The following TCTN3 variants were observed in gnomAD, a reference collection of about 807,000 sequenced individuals.
The protein encoded by TCTN3 is tectonic-3.
Under a neutral mutation model 71.3 loss-of-function variants are expected in TCTN3, and 57 were observed. That is an observed-to-expected ratio of 0.80 (90% confidence interval 0.65 to 1.00). The LOEUF is 1.00. TCTN3 is among the 50% of genes least tolerant of loss of function. The pLI, the probability that TCTN3 is intolerant of heterozygous loss-of-function variation, is 0.00. For missense variants in TCTN3, 696 were observed against 719.9 expected, an observed-to-expected ratio of 0.97 and a Z score of 0.38; for synonymous variants, 258 against 267.8, an observed-to-expected ratio of 0.96 and a Z score of 0.36.
intron 11 of TCTN3, 68 bp from the exon 12 acceptor site, chr10:95,682,872 A>C: frequency 6.5e-7 from 1 of 1,528,886 alleles, no homozygotes; most frequent in Non-Finnish European, 8.8e-7. Context: ...TTAGTACGGT[A>C]TGTTAAACCA....
At chr10:95,686,633 G>A (rs1566074178) in intron 6 of TCTN3, 103 bp from the exon 7 acceptor site, 2 of 1,100,320 alleles carry the variant, frequency 1.8e-6, no homozygotes, top group Non-Finnish European at 2.7e-6. Flanking sequence ...TGGCGGGCAG[G>A]GGAGTCAATA....
At chr10:95,686,367 C>T (rs1185706427) in intron 7 of TCTN3, 128 bp downstream of exon 7, 1 of 954,166 alleles carries the variant, frequency 1.0e-6, no homozygotes. Flanking sequence ...CGTTTTAGAT[C>T]CCTACTTAAT....
intron 7 of TCTN3, among the ~76,000 whole-genome samples, chr10:95,685,887 C>G (rs373164087): frequency 1.3e-5 from 2 of 152,146 alleles, no homozygotes; most frequent in African/African-American, 4.8e-5. Flanking sequence ...GTTAGAAATA[C>G]TATATTCAGT....
chr10:95,688,407 AAAAAAAAAAAAGAAAAAAAAAG>A lies in TCTN3; in HGVS notation c.500-710_500-689del, dbSNP rs200232110. 3.3e-3 allele frequency among the ~76,000 whole-genome samples: 498 copies of A among 149,032 alleles called. 7 individuals carry two copies. In the East Asian group the frequency reaches 0.039, roughly 12 times the overall value. On this transcript the variant is annotated intron_variant, in intron 3 of 13. Transcript: ENST00000371217. The stretch of plus-strand genomic sequence containing the variant: ...CTCTGTCAAAAAAAAGAAAAAAAAA[AAAAAAAAAAAAGAAAAAAAAAG>A]AAAATAGGAAGCTCGATAATGCTCA...
chr10:95,680,467 C>A lies in TCTN3; in HGVS notation c.1590+5G>T. On this transcript the variant is annotated splice_donor_5th_base_variant and intron_variant, in intron 13 of 13. Coordinates refer to ENST00000371217, the MANE Select transcript of TCTN3 (RefSeq NM_015631.6). ...TTTAGTGATCCTTTATGAGCCATGA[C>A]TTACCTGTATAGACTGGCACTGGTA... 1 of 1,610,520 alleles carries A rather than the reference C, an allele frequency of 6.2e-7. No individual in the cohort carries two copies.
At chr10:95,689,504 T>C (rs2139755430) in intron 3 of TCTN3, among the ~76,000 whole-genome samples, 1 of 152,334 alleles carries the variant, frequency 6.6e-6, no homozygotes, top group Admixed American at 6.5e-5. Context: ...AATGCAGTTA[T>C]TTGTATCTTT....
chr10:95,680,475 T>C lies in TCTN3; in HGVS notation c.1587A>G (p.Ile529Met). 1 of 1,613,708 alleles carries C rather than the reference T, an allele frequency of 6.2e-7. No homozygotes were observed. Among genetic ancestry groups the C allele is most frequent in the Non-Finnish European group, 8.5e-7 (1 of 1,179,800 alleles). ...TCCTTTATGAGCCATGACTTACCTG[T>C]ATAGACTGGCACTGGTATAGGAATC... ...GVRFLYQCQS[I>M]QDSQQVTEVS... Residue 529 changes from isoleucine to methionine, a missense_variant, in exon 13 of 14, where the codon ATA becomes ATG. Transcript: ENST00000371217.
At position 95,669,667 on chromosome 10, in the gene TCTN3, AT is replaced by A. The variant is rs942385391; in HGVS notation, c.1591-5368del. Among the ~76,000 whole-genome samples the A allele has an allele frequency of 2.2e-3, 322 of 149,716 alleles. 3 individuals are homozygous for A. The highest frequency in any genetic ancestry group is 5.3e-3 in the African/African-American group (217 of 40,944). On this transcript the variant is annotated intron_variant, in intron 13 of 13. Transcript: ENST00000371217. ...GGCACAGAGTAAGCACTCAATAAAG[AT>A]TTTTTTTTTTAAACAAATGAGGGGA...
chr10:95,687,223 T>C, intron 5 of TCTN3, 24 bp downstream of exon 5: 2 of 1,612,258 alleles, frequency 1.2e-6, no homozygotes, highest in Middle Eastern at 1.7e-4. Flanking sequence ...AATGAAAAGG[T>C]TGGTACTTTT....
intron 13 of TCTN3, among the ~76,000 whole-genome samples, chr10:95,666,719 G>C (rs2097926064): frequency 6.6e-6 from 1 of 152,214 alleles, no homozygotes; most frequent in South Asian, 2.1e-4. Flanking sequence ...GTGTCGTCTA[G>C]AAGTTGATTG....
chr10:95,684,375 A>G (rs964525560), intron 9 of TCTN3, 124 bp downstream of exon 9: 26 of 1,250,810 alleles, frequency 2.1e-5, no homozygotes, highest in Non-Finnish European at 2.8e-5. Flanking sequence ...TGAGGCCTCA[A>G]TCGACAGACT....
At chr10:95,692,686 G>A (rs891191039) in intron 3 of TCTN3, among the ~76,000 whole-genome samples, 3 of 152,208 alleles carry the variant, frequency 2.0e-5, no homozygotes, top group East Asian at 1.9e-4. Context: ...CCCACCGGCC[G>A]CATGCAGCCC....
chr10:95,681,490 T>C (rs927844427), intron 12 of TCTN3, among the ~76,000 whole-genome samples: 1 of 152,268 alleles, frequency 6.6e-6, no homozygotes, highest in African/African-American at 2.4e-5. Flanking sequence ...ACAGGAGCAG[T>C]GTAAAGTCAA....
rs2097934352 is a variant in TCTN3, at chr10:95,674,150, C to T, written c.1590+6322G>A. 2.6e-5 allele frequency among the ~76,000 whole-genome samples: 4 copies of T among 152,138 alleles called. No homozygotes were observed. In the South Asian group the frequency reaches 8.3e-4, roughly 31 times the overall value. On this transcript the variant is annotated intron_variant, in intron 13 of 13. Coordinates refer to ENST00000371217, the MANE Select transcript of TCTN3 (RefSeq NM_015631.6). ...TTGGGTCTGCATTAAATCTATAGAT[C>T]CATTTGAGGATAGAAATCTTAATGT...
chr10:95,686,927 G>T (rs556477341), intron 6 of TCTN3, 117 bp downstream of exon 6: 3 of 824,788 alleles, frequency 3.6e-6, no homozygotes, highest in Non-Finnish European at 1.9e-6. Flanking sequence ...TGTCTTTTAC[G>T]TGGCTCCTGG....
intron 7 of TCTN3, among the ~76,000 whole-genome samples, chr10:95,686,090 T>C (rs141580094): frequency 2.0e-5 from 3 of 152,324 alleles, no homozygotes; most frequent in African/African-American, 7.2e-5. Context: ...TAGCTGGGCA[T>C]GGTGGCACAC....
intron 13 of TCTN3, 45 bp downstream of exon 13, chr10:95,680,427 C>A: frequency 6.4e-7 from 1 of 1,555,738 alleles, no homozygotes; most frequent in Non-Finnish European, 8.7e-7. Context: ...ATAAGACAAT[C>A]TAGGCTTTGC....
chr10:95,679,669 G>C (rs1214412452), intron 13 of TCTN3, among the ~76,000 whole-genome samples: 1 of 138,270 alleles, frequency 7.2e-6, no homozygotes, highest in Non-Finnish European at 1.5e-5. Flanking sequence ...TCGGCTCACT[G>C]CAAGCTCCGC....
At chr10:95,685,337 A>G (rs2097947202) in intron 8 of TCTN3, among the ~76,000 whole-genome samples, 1 of 152,342 alleles carries the variant, frequency 6.6e-6, no homozygotes, top group South Asian at 2.1e-4. Context: ...GACAAGTTTA[A>G]TTTCAAACTT....
Sources: gnomAD v4.1 joint callset for allele counts (sites outside exome capture counted in the v4.1 genomes callset) on GRCh38, gnomAD v4.1.1 for gene constraint, MANE v1.5 for transcripts, NCBI Gene and HGNC (gene_info 2026-07-23, HGNC 2026-07-21) for gene names.